Variants in CLASP1 observed in about 807,000 individuals in gnomAD.
CLASP1 encodes CLIP-associating protein 1.
CLASP1 carries 38 observed loss-of-function variants against 192.3 expected under a neutral mutation model. That is an observed-to-expected ratio of 0.20 (90% CI 0.15 to 0.26). The LOEUF is 0.26. Among genes scored for constraint, CLASP1 ranks in the 10% least tolerant of loss-of-function variants. The probability of loss-of-function intolerance (pLI) is 1.00; values close to 1 mark genes in which losing one functional copy is unlikely to be tolerated. For synonymous variants in CLASP1, 691 were observed against 712.8 expected (o/e 0.97, Z 0.49); for missense variants, 1,433 against 1,932.5 (o/e 0.74, Z 4.85).
At chr2:121,539,859 A>G (rs2095189976) in intron 2 of CLASP1, among the ~76,000 whole-genome samples, 1 of 152,220 alleles carries the variant, frequency 6.6e-6, no homozygotes, top group Admixed American at 6.5e-5. Flanking sequence ...TTCTAAGAAA[A>G]GTTGTTCAAT....
intron 2 of CLASP1, chr2:121,530,801 G>A (rs2104763036): frequency 1.6e-6 from 1 of 618,102 alleles, no homozygotes; most frequent in East Asian, 2.8e-5. Flanking sequence ...GACCGACTAG[G>A]GCGAGGCTCA....
In CLASP1 at chr2:121,512,894, C is replaced by T. The variant is rs2094179800; in HGVS notation, c.644+2771G>A. The stretch of plus-strand genomic sequence containing the variant: ...TTATGAAGACATTTTTAATTTAGAA[C>T]TAAATCCAATTTTGGAAAGCATTAA... On this transcript the variant is annotated intron_variant, in intron 7 of 39. Coordinates refer to ENST00000263710, the Ensembl canonical transcript of CLASP1. The T allele has an allele frequency of 2.6e-5, 4 of 151,750 alleles. No homozygotes were observed. The South Asian group carries it at 8.3e-4, about 32-fold the overall frequency. The allele number at this position is 151,750 out of a possible 1,614,324, so 9.4% of individuals were successfully genotyped here. A position where few individuals can be genotyped will look rare whatever the true frequency, so the allele number is the denominator to read the frequency against.
intron 8 of CLASP1, among the ~76,000 whole-genome samples, chr2:121,492,344 G>A (rs774825766): frequency 1.1e-4 from 14 of 130,888 alleles, no homozygotes; most frequent in Non-Finnish European, 1.8e-4. Context: ...AGCCGAGGTC[G>A]CACCAGTGTA....
intron 2 of CLASP1, 90 bp from the exon 3 acceptor site, chr2:121,530,415 GGCCCAGACGCAGTCCGAGA>G: frequency 1.0e-6 from 1 of 977,328 alleles, no homozygotes; most frequent in Non-Finnish European, 1.6e-6. Flanking sequence ...AGACATTTCC[GGCCCAGACGCAGTCCGAGA>G]GTCCAGACGC....
intron 2 of CLASP1, among the ~76,000 whole-genome samples, chr2:121,567,892 TAA>T (rs759798232): frequency 2.0e-5 from 3 of 152,212 alleles, no homozygotes; most frequent in Non-Finnish European, 4.4e-5. Flanking sequence ...TAAGAAGTTA[TAA>T]AGTCTCTTTC....
intron 8 of CLASP1, among the ~76,000 whole-genome samples, chr2:121,492,355 C>T (rs532604485): frequency 7.4e-6 from 1 of 135,152 alleles, no homozygotes; most frequent in East Asian, 2.2e-4. Context: ...CACCAGTGTA[C>T]TCCAGCCTGG....
intron 8 of CLASP1, among the ~76,000 whole-genome samples, chr2:121,494,235 C>T (rs147847072): frequency 1.2e-4 from 18 of 152,206 alleles, no homozygotes; most frequent in African/African-American, 2.9e-4. Flanking sequence ...AAAGAAAATG[C>T]GATGCCTATA....
At chr2:121,343,382 C>T (rs1032163840) in intron 39 of CLASP1, among the ~76,000 whole-genome samples, 7 of 152,260 alleles carry the variant, frequency 4.6e-5, no homozygotes, top group Admixed American at 3.3e-4. Context: ...GTGTTCATAG[C>T]AGCATTATTC....
chr2:121,478,758 CACACCACACA>C (rs2092074152), intron 8 of CLASP1, among the ~76,000 whole-genome samples: 3 of 80,854 alleles, frequency 3.7e-5, no homozygotes, highest in African/African-American at 1.7e-4. Flanking sequence ...ACACCACACA[CACACCACACA>C]CCCCACACAC....
At chr2:121,524,413 G>A (rs865976126) in intron 6 of CLASP1, among the ~76,000 whole-genome samples, 1 of 150,474 alleles carries the variant, frequency 6.6e-6, no homozygotes, top group Non-Finnish European at 1.5e-5. Context: ...GTATGATTAA[G>A]TAAATAAAAA....
chr2:121,478,646 C>A (rs1035073256), intron 8 of CLASP1, among the ~76,000 whole-genome samples: 3,708 of 92,658 alleles, frequency 0.04, 97 homozygotes, highest in East Asian at 0.16. Context: ...CACACACACC[C>A]CCCACACACA....
At chr2:121,380,993 G>T (rs1311349402) in intron 33 of CLASP1, among the ~76,000 whole-genome samples, 1 of 152,058 alleles carries the variant, frequency 6.6e-6, no homozygotes, top group Admixed American at 6.6e-5. Flanking sequence ...TCAACCAACT[G>T]ATCTTACACT....
intron 2 of CLASP1, among the ~76,000 whole-genome samples, chr2:121,562,715 C>G (rs974624207): frequency 6.6e-6 from 1 of 152,096 alleles, no homozygotes; most frequent in Non-Finnish European, 1.5e-5. Context: ...TTAAGCTTGG[C>G]TTTTGTCCTC....
At chr2:121,358,288 TG>T (rs1285592749) in intron 37 of CLASP1, among the ~76,000 whole-genome samples, 10 of 152,242 alleles carry the variant, frequency 6.6e-5, no homozygotes, top group Non-Finnish European at 1.5e-4. Context: ...AACAGCAACC[TG>T]TATTATCTTG....
In CLASP1 at chr2:121,496,878, T is replaced by C. The variant is rs143949496; in HGVS notation, c.712+6289A>G. On this transcript the variant is annotated intron_variant, in intron 8 of 39. Coordinates refer to ENST00000263710, the Ensembl canonical transcript of CLASP1. ...AAAAATGTGTATATATACACAATGG[T>C]ATATAATTCAGCCATAAAAAAGAAT... Among the ~76,000 whole-genome samples, 967 of 152,310 alleles carry C rather than the reference T, an allele frequency of 6.3e-3. 11 individuals are homozygous for C. The highest frequency in any genetic ancestry group is 0.022 in the African/African-American group (923 of 41,572).
intron 35 of CLASP1, 124 bp from the exon 37 acceptor site, chr2:121,365,408 G>A (rs1464674075): frequency 1.4e-5 from 13 of 908,998 alleles, no homozygotes; most frequent in African/African-American, 8.2e-5. Context: ...CTCCTTCACG[G>A]TTCCCCTCCC....
chr2:121,584,521 A>G (rs1240017803), intron 2 of CLASP1, among the ~76,000 whole-genome samples: 1 of 152,188 alleles, frequency 6.6e-6, no homozygotes, highest in Non-Finnish European at 1.5e-5. Context: ...GTGGAGAGGG[A>G]GGCTAAATGC....
chr2:121,346,185 T>C (rs2063429329), intron 39 of CLASP1, among the ~76,000 whole-genome samples: 1 of 152,226 alleles, frequency 6.6e-6, no homozygotes. Flanking sequence ...GAGTGGTTTG[T>C]ATAAAAAGGT....
At chr2:121,378,025 C>A (rs1051659294) in intron 33 of CLASP1, among the ~76,000 whole-genome samples, 3 of 152,058 alleles carry the variant, frequency 2.0e-5, no homozygotes, top group African/African-American at 7.2e-5. Context: ...CTCAAATGTA[C>A]AAACTTAAGA....
Sources: allele counts gnomAD v4.1 joint callset (sites outside exome capture counted in the v4.1 genomes callset), GRCh38; gene constraint gnomAD v4.1.1; transcripts MANE v1.5; gene names NCBI Gene and HGNC (gene_info 2026-07-23, HGNC 2026-07-21).